STK32B: variants seen among roughly 807,000 people sequenced by gnomAD.
STK32B encodes serine/threonine-protein kinase 32B.
In STK32B, 43 loss-of-function variants were observed where a neutral mutation model predicts 52.6. That is an observed-to-expected ratio of 0.82 (90% CI 0.64 to 1.05). The LOEUF (loss-of-function observed/expected upper bound fraction) is 1.05. Ranked by LOEUF, STK32B falls within the 50% of genes least tolerant of loss-of-function variation. The probability of loss-of-function intolerance (pLI) is 0.00; values close to 1 mark genes in which losing one functional copy is unlikely to be tolerated. For synonymous variants in STK32B, 238 were observed against 204.3 expected (o/e 1.17, Z -1.41); for missense variants, 621 against 534.6 (o/e 1.16, Z -1.59).
chr4:5,473,442 C>T (rs1308018740), intron 11 of STK32B, among the ~76,000 whole-genome samples: 4 of 152,168 alleles, frequency 2.6e-5, no homozygotes, highest in Non-Finnish European at 4.4e-5. Flanking sequence ...TTAGTCTGTA[C>T]ATCCGTCCTC....
intron 4 of STK32B, among the ~76,000 whole-genome samples, chr4:5,331,906 C>A (rs765165664): frequency 1.3e-5 from 2 of 152,154 alleles, no homozygotes; most frequent in Non-Finnish European, 2.9e-5. Flanking sequence ...ACAGCAGTGC[C>A]ATGTCCTACA....
At chr4:5,331,975 G>A (rs767650508) in intron 4 of STK32B, among the ~76,000 whole-genome samples, 9 of 152,198 alleles carry the variant, frequency 5.9e-5, no homozygotes, top group Non-Finnish European at 1.2e-4. Context: ...GCTTTGGAAA[G>A]TGATTGTATC....
In STK32B at chr4:5,500,368, A is replaced by C. The variant is rs1301766559; in HGVS notation, c.*1285A>C. On this transcript the variant is annotated 3_prime_UTR_variant, in exon 12 of 12. Transcript: ENST00000282908. ...CCCCAAGCATTGGATGACTCATAGA[A>C]TGGCCTTTTTTGTCAGCATAATCGT... 1 of 152,156 alleles carries C rather than the reference A, an allele frequency of 6.6e-6. No individual in the cohort carries two copies. The highest frequency in any genetic ancestry group is 6.5e-5 in the Admixed American group (1 of 15,274). The allele number at this position is 152,156 out of a possible 1,614,324, so 9.4% of individuals were successfully genotyped here.
intron 2 of STK32B, among the ~76,000 whole-genome samples, chr4:5,147,535 C>G (rs1181162423): frequency 6.6e-6 from 1 of 152,052 alleles, no homozygotes; most frequent in Non-Finnish European, 1.5e-5. Flanking sequence ...AGTCTTTCTT[C>G]ATTAAGAACA....
intron 1 of STK32B, among the ~76,000 whole-genome samples, chr4:5,073,607 T>C (rs1288882445): frequency 1.3e-5 from 2 of 152,064 alleles, no homozygotes; most frequent in East Asian, 1.9e-4. Flanking sequence ...AGTTTTATCA[T>C]ATATCATTTG....
intron 1 of STK32B, among the ~76,000 whole-genome samples, chr4:5,122,008 T>C (rs1243969736): frequency 6.6e-6 from 1 of 152,244 alleles, no homozygotes; most frequent in Non-Finnish European, 1.5e-5. Flanking sequence ...AGTGATTGTG[T>C]GTTCACAGTG....
intron 1 of STK32B, among the ~76,000 whole-genome samples, chr4:5,097,894 G>A (rs533252734): frequency 4.1e-4 from 62 of 152,338 alleles, no homozygotes; most frequent in Middle Eastern, 3.4e-3. Context: ...GGGGAGTTAT[G>A]CTAACCTGGG....
chr4:5,030,239 G>T, the STK32B span, among the ~76,000 whole-genome samples: 11 of 152,288 alleles, frequency 7.2e-5, no homozygotes, highest in Non-Finnish European at 4.4e-5. Flanking sequence ...ATTCACTGAG[G>T]TTGATGATTT....
chr4:5,083,155 G>A (rs1436689708), intron 1 of STK32B, among the ~76,000 whole-genome samples: 1 of 152,016 alleles, frequency 6.6e-6, no homozygotes, highest in Non-Finnish European at 1.5e-5. Context: ...AAATGATTAC[G>A]AGCAGTTTTA....
At chr4:5,389,015 C>T (rs1222959391) in intron 4 of STK32B, among the ~76,000 whole-genome samples, 1 of 152,134 alleles carries the variant, frequency 6.6e-6, no homozygotes, top group Admixed American at 6.5e-5. Flanking sequence ...AAATCAGCAA[C>T]CCCCAAGCAT....
At chr4:5,118,670 G>C (rs536875338) in intron 1 of STK32B, among the ~76,000 whole-genome samples, 2 of 152,304 alleles carry the variant, frequency 1.3e-5, no homozygotes, top group East Asian at 1.9e-4. Context: ...GCCACTCACA[G>C]TTGTCCTACT....
At chr4:5,168,598 A>G in intron 3 of STK32B, 148 bp downstream of exon 3, 1 of 946,632 alleles carries the variant, frequency 1.1e-6, no homozygotes, top group Non-Finnish European at 1.5e-6. Flanking sequence ...TTTGTAGAGT[A>G]CATTTTCTGA....
chr4:5,449,152 C>T (rs1303930556), intron 7 of STK32B, among the ~76,000 whole-genome samples: 1 of 152,128 alleles, frequency 6.6e-6, no homozygotes, highest in Non-Finnish European at 1.5e-5. Context: ...ACAAGCCTTG[C>T]CAATATGGTG....
In STK32B at chr4:5,394,352, G is replaced by A. The variant is rs1736751472; in HGVS notation, c.435-3855G>A. Among the ~76,000 whole-genome samples the A allele has an allele frequency of 1.3e-5, 2 of 152,076 alleles. No homozygotes were observed. Among genetic ancestry groups the A allele is most frequent in the Admixed American group, 6.5e-5 (1 of 15,274 alleles). Reference sequence around the variant, plus strand: ...AATGCTCCTGATGCCCTTTCTGAACGTTCAAACCCGTTTTCAACAGGATGA... The same window carrying A: ...AATGCTCCTGATGCCCTTTCTGAACATTCAAACCCGTTTTCAACAGGATGA... On this transcript the variant is annotated intron_variant, in intron 4 of 11. Transcript: ENST00000282908. The surrounding 1 kb of genome is among the most constrained non-coding windows in gnomAD (Gnocchi z 4.2).
At chr4:5,340,888 T>A (rs893393054) in intron 4 of STK32B, among the ~76,000 whole-genome samples, 3 of 152,112 alleles carry the variant, frequency 2.0e-5, no homozygotes, top group Admixed American at 1.3e-4. Context: ...TATACAAATA[T>A]CTCATTTAAT....
chr4:5,291,084 C>G (rs7689177), intron 3 of STK32B, among the ~76,000 whole-genome samples: 49,104 of 151,910 alleles, frequency 0.32, 12,877 homozygotes, highest in African/African-American at 0.73. Context: ...ACACTGTCTT[C>G]GTTACTATAA....
intron 3 of STK32B, among the ~76,000 whole-genome samples, chr4:5,253,942 G>A (rs576829266): frequency 2.2e-4 from 33 of 152,102 alleles, no homozygotes; most frequent in Non-Finnish European, 3.7e-4. Flanking sequence ...TATAGCCACC[G>A]TGCGTGGCTA....
intron 1 of STK32B, among the ~76,000 whole-genome samples, chr4:5,118,198 G>T (rs1259238002): frequency 6.6e-6 from 1 of 152,130 alleles, no homozygotes; most frequent in African/African-American, 2.4e-5. Context: ...GCTTTTGTTT[G>T]CTAGGGGAAT....
At chr4:5,059,323 T>G (rs888004169) in intron 1 of STK32B, among the ~76,000 whole-genome samples, 1 of 152,076 alleles carries the variant, frequency 6.6e-6, no homozygotes, top group African/African-American at 2.4e-5. Context: ...ATTTTACAAT[T>G]AAGTATTATA....
Sources: gnomAD v4.1 joint callset for allele counts (sites outside exome capture counted in the v4.1 genomes callset) on GRCh38, gnomAD v4.1.1 for gene constraint, Gnocchi (gnomAD v3.1) non-coding constraint, MANE v1.5 for transcripts, NCBI Gene and HGNC (gene_info 2026-07-23, HGNC 2026-07-21) for gene names.